PALLD: variants seen among roughly 807,000 people sequenced by gnomAD.
PALLD encodes palladin.
Under a neutral mutation model 123.5 loss-of-function variants are expected in PALLD, and 61 were observed. That is an observed-to-expected ratio of 0.49 (90% CI 0.40 to 0.61). The LOEUF is 0.61. Among genes scored for constraint, PALLD ranks in the 20% least tolerant of loss-of-function variants. PALLD has a pLI of 0.00. For missense variants in PALLD, 1,273 were observed against 1,377.0 expected (o/e 0.92, Z 1.20); for synonymous variants, 465 against 496.4 (o/e 0.94, Z 0.84).
At chr4:168,734,727 A>G (rs960624410) in intron 10 of PALLD, among the ~76,000 whole-genome samples, 1 of 152,190 alleles carries the variant, frequency 6.6e-6, no homozygotes, top group Non-Finnish European at 1.5e-5. Context: ...TAGAAAATTA[A>G]CACTATTCCT....
At chr4:168,586,204 C>T (rs1447312503) in intron 2 of PALLD, among the ~76,000 whole-genome samples, 1 of 145,496 alleles carries the variant, frequency 6.9e-6, no homozygotes, top group Non-Finnish European at 1.5e-5. Flanking sequence ...GCCTATCAAG[C>T]TACTACTTCC....
At chr4:168,610,266 G>A (rs1344977975) in intron 2 of PALLD, among the ~76,000 whole-genome samples, 1 of 152,148 alleles carries the variant, frequency 6.6e-6, no homozygotes, top group Non-Finnish European at 1.5e-5. Context: ...GTTCTCCTGA[G>A]GGCATTCATC....
At chr4:168,621,030 G>A (rs1326693208) in intron 2 of PALLD, among the ~76,000 whole-genome samples, 6 of 152,308 alleles carry the variant, frequency 3.9e-5, no homozygotes, top group African/African-American at 9.6e-5. Context: ...CAATCCACAC[G>A]TTGACAAGAC....
chr4:168,745,011 T>A (rs10155248), intron 10 of PALLD, among the ~76,000 whole-genome samples: 79,646 of 151,462 alleles, frequency 0.53, 21,055 homozygotes, highest in East Asian at 0.62. Flanking sequence ...AGCATCTGTA[T>A]AGGCTTTGGG....
intron 10 of PALLD, among the ~76,000 whole-genome samples, chr4:168,810,697 AC>A (rs1740960416): frequency 6.7e-6 from 1 of 149,730 alleles, no homozygotes; most frequent in African/African-American, 2.5e-5. Flanking sequence ...AGTCCCAGCT[AC>A]TCGGGAGGCT....
intron 10 of PALLD, among the ~76,000 whole-genome samples, chr4:168,748,513 C>T (rs1159681899): frequency 6.6e-6 from 1 of 152,150 alleles, no homozygotes; most frequent in East Asian, 1.9e-4. Flanking sequence ...TAACAGATTA[C>T]CATGAATTTA....
intron 10 of PALLD, among the ~76,000 whole-genome samples, chr4:168,852,041 T>C (rs879769993): frequency 3.3e-5 from 5 of 152,066 alleles, no homozygotes; most frequent in African/African-American, 1.2e-4. Flanking sequence ...CCTGAGTGAG[T>C]TGGAGACGTA....
chr4:168,639,588 G>T (rs1013190574), intron 2 of PALLD, among the ~76,000 whole-genome samples: 35 of 149,200 alleles, frequency 2.3e-4, no homozygotes, highest in African/African-American at 8.5e-4. Context: ...CTGTCACCCA[G>T]GCTGGAGTGC....
At chr4:168,637,296 C>T (rs1264364279) in intron 2 of PALLD, among the ~76,000 whole-genome samples, 1 of 152,058 alleles carries the variant, frequency 6.6e-6, no homozygotes, top group Non-Finnish European at 1.5e-5. Context: ...TCTCTCTCAG[C>T]ACAGTTCTCA....
intron 10 of PALLD, among the ~76,000 whole-genome samples, chr4:168,726,722 A>T (rs1309859913): frequency 1.3e-5 from 2 of 151,970 alleles, no homozygotes; most frequent in Non-Finnish European, 2.9e-5. Context: ...GATAGAGTTC[A>T]TCCTTCAGGC....
At chr4:168,750,264 G>A (rs1170832417) in intron 10 of PALLD, among the ~76,000 whole-genome samples, 4 of 152,120 alleles carry the variant, frequency 2.6e-5, no homozygotes, top group Admixed American at 6.5e-5. Flanking sequence ...ACTTATAAGC[G>A]AGAACATGTG....
At chr4:168,598,749 G>A in intron 2 of PALLD, 1 of 407,372 alleles carries the variant, frequency 2.5e-6, no homozygotes, top group Non-Finnish European at 5.1e-6. Context: ...CCTGAAGTTT[G>A]GCTAACTTTC....
intron 10 of PALLD, among the ~76,000 whole-genome samples, chr4:168,780,371 TGCA>T (rs1735748948): frequency 6.6e-6 from 1 of 152,240 alleles, no homozygotes. Context: ...CCCTGACTAA[TGCA>T]GCATTGCTCT....
intron 10 of PALLD, among the ~76,000 whole-genome samples, chr4:168,790,074 C>A (rs12499557): frequency 0.018 from 2,748 of 152,070 alleles, 105 homozygotes; most frequent in Admixed American, 0.088. Context: ...TGCCTCTCTC[C>A]GGTTTTGTGT....
intron 17 of PALLD, among the ~76,000 whole-genome samples, chr4:168,920,384 C>T (rs953484256): frequency 2.0e-5 from 3 of 152,144 alleles, no homozygotes; most frequent in South Asian, 2.1e-4. Flanking sequence ...TTGAGTATCA[C>T]GTAGCAGGAA....
At chr4:168,719,868 A>T (rs1470691008) in intron 10 of PALLD, among the ~76,000 whole-genome samples, 1 of 152,180 alleles carries the variant, frequency 6.6e-6, no homozygotes, top group Non-Finnish European at 1.5e-5. Flanking sequence ...GCTTAGGATC[A>T]TGGCCTCCAA....
intron 10 of PALLD, among the ~76,000 whole-genome samples, chr4:168,755,517 G>C (rs1484721656): frequency 6.6e-6 from 1 of 152,126 alleles, no homozygotes; most frequent in Non-Finnish European, 1.5e-5. Flanking sequence ...GGATACAGTA[G>C]AAGATGAGAT....
intron 2 of PALLD, among the ~76,000 whole-genome samples, chr4:168,586,584 T>G (rs971997318): frequency 6.6e-6 from 1 of 152,184 alleles, no homozygotes; most frequent in African/African-American, 2.4e-5. Flanking sequence ...AAACGTAAGC[T>G]GAATCATTGT....
intron 8 of PALLD, among the ~76,000 whole-genome samples, chr4:168,708,270 G>A (rs184397894): frequency 5.9e-5 from 9 of 152,036 alleles, no homozygotes; most frequent in East Asian, 5.8e-4. Context: ...TCTTGTTATC[G>A]TCATCATCAT....
Sources: gnomAD v4.1 joint callset for allele counts (sites outside exome capture counted in the v4.1 genomes callset) on GRCh38, gnomAD v4.1.1 for gene constraint, MANE v1.5 for transcripts, NCBI Gene and HGNC (gene_info 2026-07-23, HGNC 2026-07-21) for gene names.